EXOC6B: variants seen among roughly 807,000 people sequenced by gnomAD.
EXOC6B encodes exocyst complex component 6B.
EXOC6B carries 54 observed loss-of-function variants against 113.5 expected under a neutral mutation model. That is an observed-to-expected ratio of 0.48 (90% CI 0.38 to 0.60). The LOEUF (loss-of-function observed/expected upper bound fraction) is 0.60, where lower values mean the gene tolerates loss of function less well. Among genes scored for constraint, EXOC6B ranks in the 20% least tolerant of loss-of-function variants. The pLI is 0.00. For synonymous variants in EXOC6B, 357 were observed against 339.0 expected (o/e 1.05, Z -0.58); for missense variants, 797 against 977.5 (o/e 0.82, Z 2.46).
chr2:72,688,541 AG>A (rs1366618071), intron 6 of EXOC6B, among the ~76,000 whole-genome samples: 1 of 144,702 alleles, frequency 6.9e-6, no homozygotes, highest in African/African-American at 2.5e-5. Flanking sequence ...GGGCAGGGGC[AG>A]GGGCAGGGGC....
At chr2:72,631,034 T>C (rs1296013193) in intron 6 of EXOC6B, among the ~76,000 whole-genome samples, 2 of 152,134 alleles carry the variant, frequency 1.3e-5, no homozygotes, top group East Asian at 3.9e-4. Context: ...ATCATGACTT[T>C]GCATTACCAC....
intron 6 of EXOC6B, among the ~76,000 whole-genome samples, chr2:72,692,587 G>A (rs1163155866): frequency 3.3e-5 from 5 of 152,150 alleles, no homozygotes; most frequent in Admixed American, 6.5e-5. Context: ...TCCTGACCTC[G>A]TGATCCACCC....
intron 18 of EXOC6B, among the ~76,000 whole-genome samples, chr2:72,441,588 T>C (rs1190180248): frequency 2.0e-5 from 3 of 151,946 alleles, no homozygotes; most frequent in Non-Finnish European, 4.4e-5. Flanking sequence ...GAAATACAAA[T>C]AACCATCAGA....
chr2:72,663,265 A>G (rs1338686393), intron 6 of EXOC6B, among the ~76,000 whole-genome samples: 1 of 152,224 alleles, frequency 6.6e-6, no homozygotes, highest in Non-Finnish European at 1.5e-5. Flanking sequence ...TGAATGAAAG[A>G]AGCCAGTCTC....
chr2:72,425,935 C>G (rs1695175533), intron 18 of EXOC6B, among the ~76,000 whole-genome samples: 1 of 152,122 alleles, frequency 6.6e-6, no homozygotes, highest in Non-Finnish European at 1.5e-5. Context: ...TTTTCTTAGT[C>G]TAGTCATGCT....
chr2:72,653,603 C>CG (rs1674367250), intron 6 of EXOC6B, among the ~76,000 whole-genome samples: 2 of 145,042 alleles, frequency 1.4e-5, no homozygotes, highest in African/African-American at 5.4e-5. Context: ...CAGCAACCCC[C>CG]CCCCAAAAAG....
chr2:72,564,974 C>A (rs565889360), intron 7 of EXOC6B, among the ~76,000 whole-genome samples: 1 of 152,098 alleles, frequency 6.6e-6, no homozygotes, highest in Non-Finnish European at 1.5e-5. Flanking sequence ...TCAGGAAAAA[C>A]CACCATTTCT....
At chr2:72,319,403 T>A (rs7603966) in intron 20 of EXOC6B, among the ~76,000 whole-genome samples, 19,347 of 151,992 alleles carry the variant, frequency 0.13, 1,436 homozygotes, top group African/African-American at 0.21. Context: ...CCTAGTGCAA[T>A]AAGACCAAAA....
At chr2:72,204,468 T>C (rs192046487) in intron 20 of EXOC6B, among the ~76,000 whole-genome samples, 1 of 152,112 alleles carries the variant, frequency 6.6e-6, no homozygotes, top group African/African-American at 2.4e-5. Context: ...CAGGCCAAGA[T>C]TAGCGTGAGC....
At chr2:72,651,742 C>T (rs998653335) in intron 6 of EXOC6B, among the ~76,000 whole-genome samples, 9 of 152,110 alleles carry the variant, frequency 5.9e-5, no homozygotes, top group Non-Finnish European at 1.3e-4. Flanking sequence ...ACTACAGGCA[C>T]CTGCCACCAC....
intron 6 of EXOC6B, among the ~76,000 whole-genome samples, chr2:72,585,367 G>A (rs538378845): frequency 1.7e-3 from 255 of 152,256 alleles, no homozygotes; most frequent in Non-Finnish European, 2.5e-3. Context: ...GGAGGCCAAG[G>A]CAGGTGGATC....
At position 72,741,401 on chromosome 2, in the gene EXOC6B, T is replaced by C. The variant is rs1337381499; in HGVS notation, c.182A>G (p.Asp61Gly). 6.2e-7 allele frequency: 1 copy of C among 1,613,672 alleles called. No individual in the cohort carries two copies. The highest frequency in any genetic ancestry group is 1.3e-5 in the African/African-American group (1 of 74,860). The change falls in exon 2 of 22, where the codon GAC (aspartate) becomes GGC (glycine). Residue 61 changes from aspartate to glycine, a missense_variant. Coordinates refer to ENST00000272427, the MANE Select transcript of EXOC6B (RefSeq NM_015189.3). ...EKLETRIRNHDREIEKMCNFH... is the reference protein window; with the variant it reads ...EKLETRIRNHGREIEKMCNFH... Reference sequence around the variant, plus strand: ...GTTGCACATTTTCTCAATTTCTCGGTCGTGATTACGGATACGAGTTTCAAG... The same window carrying C: ...GTTGCACATTTTCTCAATTTCTCGGCCGTGATTACGGATACGAGTTTCAAG...
intron 20 of EXOC6B, among the ~76,000 whole-genome samples, chr2:72,189,696 G>T (rs1420419081): frequency 6.6e-6 from 1 of 151,564 alleles, no homozygotes; most frequent in African/African-American, 2.4e-5. Flanking sequence ...CTATCCATTT[G>T]TTATTGGCAC....
At chr2:72,349,073 C>T (rs915218852) in intron 19 of EXOC6B, among the ~76,000 whole-genome samples, 4 of 152,032 alleles carry the variant, frequency 2.6e-5, no homozygotes, top group Non-Finnish European at 5.9e-5. Flanking sequence ...GGATTCTAGC[C>T]CTTGTAGAAT....
chr2:72,714,008 C>A (rs1242807179), intron 6 of EXOC6B, among the ~76,000 whole-genome samples: 1 of 152,132 alleles, frequency 6.6e-6, no homozygotes, highest in Non-Finnish European at 1.5e-5. Flanking sequence ...CCTAAAAAAC[C>A]TCCAGGCATT....
intron 6 of EXOC6B, among the ~76,000 whole-genome samples, chr2:72,678,893 G>A (rs368470422): frequency 1.3e-5 from 2 of 152,044 alleles, no homozygotes. Flanking sequence ...AATCTACTAG[G>A]ATTTCATAAG....
rs563851322 is a variant in EXOC6B at position 72,787,636 on chromosome 2, GA to G, written c.113+38161del. Reference sequence around the variant, plus strand: ...GAAGGTTTTAATTAAGACCCAGAAAGAAATTACTGGTCTAATTTCTTTGTTT... The same window carrying G: ...GAAGGTTTTAATTAAGACCCAGAAAGAATTACTGGTCTAATTTCTTTGTTT... On this transcript the variant is annotated intron_variant, in intron 1 of 21. Coordinates refer to ENST00000272427, the MANE Select transcript of EXOC6B (RefSeq NM_015189.3). Among the ~76,000 whole-genome samples, 102 of 152,124 alleles carry G rather than the reference GA, an allele frequency of 6.7e-4. No individual in the cohort carries two copies. The Middle Eastern group carries it at 0.024, about 36-fold the overall frequency.
At chr2:72,184,248 C>T in intron 20 of EXOC6B, 61 bp from the exon 21 acceptor site, 2 of 814,478 alleles carry the variant, frequency 2.5e-6, no homozygotes, top group African/African-American at 1.7e-5. Flanking sequence ...AACCAAGATT[C>T]CAGAAACTTC....
chr2:72,655,834 C>G (rs1011416216), intron 6 of EXOC6B, among the ~76,000 whole-genome samples: 3 of 152,046 alleles, frequency 2.0e-5, no homozygotes, highest in Middle Eastern at 3.4e-3. Context: ...CAAAGCCTTC[C>G]CATTTAAACT....
Sources: gnomAD v4.1 joint callset for allele counts (sites outside exome capture counted in the v4.1 genomes callset) on GRCh38, gnomAD v4.1.1 for gene constraint, MANE v1.5 for transcripts, NCBI Gene and HGNC (gene_info 2026-07-23, HGNC 2026-07-21) for gene names.